The following PIEZO1 variants were observed in gnomAD, a reference collection of about 807,000 sequenced individuals.
PIEZO1 encodes piezo-type mechanosensitive ion channel component 1.
Under a neutral mutation model 297.2 loss-of-function variants are expected in PIEZO1, and 296 were observed. The observed-to-expected ratio is 1.00, with a 90% CI of 0.91 to 1.10. The LOEUF (loss-of-function observed/expected upper bound fraction) is 1.10, where lower values mean the gene tolerates loss of function less well. PIEZO1 is among the 50% of genes least tolerant of loss of function. The pLI is 0.00. For missense variants in PIEZO1, 5,018 were observed against 3,455.5 expected, an observed-to-expected ratio of 1.45 and a Z score of -11.34; for synonymous variants, 2,427 against 1,507.5, an observed-to-expected ratio of 1.61 and a Z score of -14.13.
chr16:88,725,376 G>A (rs1412564284), intron 29 of PIEZO1, 40 bp downstream of exon 29: 3 of 1,216,358 alleles, frequency 2.5e-6, no homozygotes, highest in African/African-American at 1.5e-5. Flanking sequence ...CAGACATGCT[G>A]GACACGGGGC....
At chr16:88,765,744 G>A (rs978837297) in intron 1 of PIEZO1, among the ~76,000 whole-genome samples, 1 of 148,858 alleles carries the variant, frequency 6.7e-6, no homozygotes, top group Non-Finnish European at 1.5e-5. Flanking sequence ...GCACAATCTC[G>A]CGCACTACAA....
chr16:88,734,673 G>A lies in PIEZO1; in HGVS notation c.1974C>T (p.Asn658=), dbSNP rs192248220. The A allele has an allele frequency of 4.5e-6, 7 of 1,550,192 alleles. No individual in the cohort carries two copies. Among genetic ancestry groups the A allele is most frequent in the Admixed American group, 2.0e-5 (1 of 50,996 alleles). The change falls in exon 15 of 51, where the codon AAC becomes AAT. Residue 658 remains asparagine (N), a synonymous_variant. Coordinates refer to ENST00000301015, the MANE Select transcript of PIEZO1 (RefSeq NM_001142864.4). ...QFQDFPAYWR[N]LTGFTDEQLG... is the part of the protein sequence containing the mutation. Reference sequence around the variant, plus strand: ...ACTGCTCGTCGGTGAAGCCAGTGAGGTTGCGCCAGTAGGCAGGGAAGTCCT... The same window carrying A: ...ACTGCTCGTCGGTGAAGCCAGTGAGATTGCGCCAGTAGGCAGGGAAGTCCT...
intron 32 of PIEZO1, 28 bp downstream of exon 32, chr16:88,723,198 C>A (rs942168378): frequency 5.8e-6 from 9 of 1,548,994 alleles, no homozygotes; most frequent in Non-Finnish European, 7.0e-6. Context: ...GCGGCTTCCC[C>A]TCAGAGTCCC....
chr16:88,725,688 T>G lies in PIEZO1; in HGVS notation c.3969-4A>C. ...AGCGTTGTAGAGGGCGAAGCCCCTG[T>G]AGGGAGGCGGGGATGGGGTGTGAGC... On this transcript the variant is annotated splice_polypyrimidine_tract_variant and splice_region_variant and intron_variant, in intron 27 of 50. Coordinates refer to ENST00000301015, the MANE Select transcript of PIEZO1 (RefSeq NM_001142864.4). The G allele has an allele frequency of 6.6e-7, 1 of 1,504,098 alleles. No homozygotes were observed. Among genetic ancestry groups the G allele is most frequent in the Non-Finnish European group, 9.0e-7 (1 of 1,105,084 alleles). 93.2% of individuals were successfully genotyped at this position (1,504,098 alleles called of 1,614,324 possible).
chr16:88,732,820 GCAGGTCCACTGCTCCCCAGC>G lies in PIEZO1; in HGVS notation c.2665-108_2665-89del. 5 of 1,331,906 alleles carry G rather than the reference GCAGGTCCACTGCTCCCCAGC, an allele frequency of 3.8e-6. No individual in the cohort carries two copies. In the East Asian group the frequency reaches 1.3e-4, roughly 34 times the overall value. 82.5% of individuals were successfully genotyped at this position (1,331,906 alleles called of 1,614,324 possible). A position where few individuals can be genotyped will look rare whatever the true frequency, so the allele number is the denominator to read the frequency against. ...AGCCCACCACAGCCACAGCTCTGGG[GCAGGTCCACTGCTCCCCAGC>G]CAGGGACACGGGGGCTGCCAGCCTT... On this transcript the variant is annotated intron_variant, in intron 19 of 50. Coordinates refer to ENST00000301015, the MANE Select transcript of PIEZO1 (RefSeq NM_001142864.4).
At position 88,719,848 on chromosome 16, in the gene PIEZO1, A is replaced by C; in HGVS notation, c.6277T>G (p.Phe2093Val). 1 of 1,550,546 alleles carries C rather than the reference A, an allele frequency of 6.4e-7. No homozygotes were observed. The highest frequency in any genetic ancestry group is 8.7e-7 in the Non-Finnish European group (1 of 1,146,938). ...AGATGATTGTACTTCTTGGTGAGGA[A>C]GTTGCCGAGGATGCGGGTGGGGTAG... ...CGYPTRILGN[F>V]LTKKYNHLNL... The change falls in exon 43 of 51, where the codon TTC (phenylalanine) becomes GTC (valine). Residue 2093 changes from phenylalanine (F) to valine (V), a missense_variant. Transcript: ENST00000301015.
rs1287549486 is a variant in PIEZO1 at position 88,727,056 on chromosome 16, G to A, written c.3438C>T (p.Pro1146=). The A allele has an allele frequency of 6.5e-7, 1 of 1,549,144 alleles. No individual in the cohort carries two copies. The highest frequency in any genetic ancestry group is 2.0e-5 in the Admixed American group (1 of 50,988). ...EPLRGEPNPV[P]NFIHCRSYLD... ...GAACCCACCTGCAGTGGATAAAGTT[G>A]GGCACGGGGTTGGGCTCCCCCCGCA... Residue 1146 remains proline, a synonymous_variant, in exon 24 of 51, where the codon CCC becomes CCT. Transcript: ENST00000301015.
At chr16:88,719,445 A>T in intron 44 of PIEZO1, 129 bp downstream of exon 44, 1 of 830,996 alleles carries the variant, frequency 1.2e-6, no homozygotes, top group Non-Finnish European at 1.9e-6. Context: ...GGCTCGCCTC[A>T]TGTCCCCATG....
intron 1 of PIEZO1, among the ~76,000 whole-genome samples, chr16:88,780,632 C>T (rs1044905442): frequency 6.6e-6 from 1 of 152,230 alleles, no homozygotes; most frequent in Non-Finnish European, 1.5e-5. Flanking sequence ...GCTTTTGGAA[C>T]CAGAAGAAAA....
At chr16:88,783,153 G>C (rs922456484) in intron 1 of PIEZO1, among the ~76,000 whole-genome samples, 1 of 152,140 alleles carries the variant, frequency 6.6e-6, no homozygotes, top group African/African-American at 2.4e-5. Context: ...GAGGCCAAAA[G>C]CAAGAAGAAC....
intron 1 of PIEZO1, among the ~76,000 whole-genome samples, chr16:88,765,855 G>A (rs535417419): frequency 6.6e-6 from 1 of 152,086 alleles, no homozygotes; most frequent in Admixed American, 6.5e-5. Flanking sequence ...TCTATTTTCA[G>A]TAGAGATGGG....
chr16:88,717,345 G>T, intron 44 of PIEZO1, 134 bp from the exon 45 acceptor site: 1 of 730,540 alleles, frequency 1.4e-6, no homozygotes. Flanking sequence ...TAGTAATGGT[G>T]GGCAGACACA....
At chr16:88,743,868 G>A (rs6500496) in intron 2 of PIEZO1, 14,599 of 324,542 alleles carry the variant, frequency 0.045, 2,005 homozygotes, top group African/African-American at 0.29. Context: ...GACCTGTGGA[G>A]GATGGGAGGG....
chr16:88,749,468 G>T lies in PIEZO1; in HGVS notation c.76C>A (p.Arg26Ser). 1 of 1,525,930 alleles carries T rather than the reference G, an allele frequency of 6.6e-7. No individual in the cohort carries two copies. The highest frequency in any genetic ancestry group is 8.7e-7 in the Non-Finnish European group (1 of 1,143,048). The allele number at this position is 1,525,930 out of a possible 1,614,324, so 94.5% of individuals were successfully genotyped here. ...PCALLAACLLRFSGLSLVYLL... is the reference protein window; with the variant it reads ...PCALLAACLLSFSGLSLVYLL... ...TAGACCAGCGAGAGTCCGCTGAAGC[G>T]GAGCAGGCAGGCTGCGGGGAGATGG... Residue 26 changes from arginine (R) to serine (S), a missense_variant, in exon 2 of 51, where the codon CGC becomes AGC. Physicochemically the swap from Arg to Ser is moderately radical, Grantham distance 110. Transcript: ENST00000301015.
chr16:88,732,059 G>C (rs953736672), intron 21 of PIEZO1, 149 bp from the exon 22 acceptor site: 1 of 361,380 alleles, frequency 2.8e-6, no homozygotes, highest in African/African-American at 2.6e-5. Flanking sequence ...GCTGTCAAGA[G>C]GGCAGGAGTG....
intron 1 of PIEZO1, among the ~76,000 whole-genome samples, chr16:88,757,943 A>C (rs1906754077): frequency 6.6e-6 from 1 of 152,158 alleles, no homozygotes; most frequent in African/African-American, 2.4e-5. Flanking sequence ...CCAGCCTCAG[A>C]AGGTGCCACA....
intron 5 of PIEZO1, 91 bp from the exon 6 acceptor site, chr16:88,738,827 C>T (rs942270016): frequency 4.0e-5 from 47 of 1,185,494 alleles, no homozygotes; most frequent in African/African-American, 3.6e-4. Flanking sequence ...GCGTGGGAGG[C>T]GGCCACATCC....
rs200651964 is a variant in PIEZO1, at chr16:88,738,035, C to A, written c.919G>T (p.Gly307Cys). 4 of 1,535,744 alleles carry A rather than the reference C, an allele frequency of 2.6e-6. No homozygotes were observed. In the Admixed American group the frequency reaches 5.9e-5, roughly 23 times the overall value. ...CTGGCATACACAGGCCAGTCCAGGC[C>A]GGTGTTGAGGACCAGCGCGTGGGGG... ...SSPHALVLNT[G>C]LDWPVYASPG... The change falls in exon 8 of 51, where the codon GGC (glycine) becomes TGC (cysteine). Residue 307 changes from glycine to cysteine, a missense_variant. By Grantham distance (159) the Gly-to-Cys change is radical. Coordinates refer to ENST00000301015, the MANE Select transcript of PIEZO1 (RefSeq NM_001142864.4).
intron 44 of PIEZO1, chr16:88,719,366 G>A: frequency 1.7e-6 from 1 of 577,360 alleles, no homozygotes; most frequent in East Asian, 2.9e-5. Flanking sequence ...CAACTCCGCT[G>A]CCCACTTCTG....
Sources: gnomAD v4.1 joint callset for allele counts (sites outside exome capture counted in the v4.1 genomes callset) on GRCh38, gnomAD v4.1.1 for gene constraint, MANE v1.5 for transcripts, NCBI Gene and HGNC (gene_info 2026-07-23, HGNC 2026-07-21) for gene names.